CACNA1E: variants seen among roughly 807,000 people sequenced by gnomAD.
CACNA1E encodes calcium voltage-gated channel subunit alpha1 E.
CACNA1E carries 40 observed loss-of-function variants against 259.2 expected under a neutral mutation model. That is an observed-to-expected ratio of 0.15 (90% CI 0.12 to 0.20). The LOEUF (loss-of-function observed/expected upper bound fraction) is 0.20. Among genes scored for constraint, CACNA1E ranks in the 10% least tolerant of loss-of-function variants. CACNA1E has a pLI of 1.00. For synonymous variants in CACNA1E, 1,104 were observed against 1,138.5 expected (o/e 0.97, Z 0.61); for missense variants, 1,874 against 3,040.1 (o/e 0.62, Z 9.02).
rs1662186081 is a variant in CACNA1E at position 181,800,399 on chromosome 1, C to T, written c.*1565C>T. ...TCCTAATAGCCCAAACGCAGAAGCACTGAGCAAGAGAGCCCTTTCTTGCCA... is the reference window on the plus strand; with the variant it reads ...TCCTAATAGCCCAAACGCAGAAGCATTGAGCAAGAGAGCCCTTTCTTGCCA... On this transcript the variant is annotated 3_prime_UTR_variant, in exon 48 of 48. Coordinates refer to ENST00000367573, the MANE Select transcript of CACNA1E (RefSeq NM_001205293.3). 1 of 152,668 alleles carries T rather than the reference C, an allele frequency of 6.6e-6. No homozygotes were observed. The highest frequency in any genetic ancestry group is 2.1e-4 in the South Asian group (1 of 4,830). The allele number at this position is 152,668 out of a possible 1,614,324, so 9.5% of individuals were successfully genotyped here.
intron 25 of CACNA1E, among the ~76,000 whole-genome samples, chr1:181,741,389 G>A (rs1411638120): frequency 2.0e-5 from 3 of 152,202 alleles, no homozygotes; most frequent in Admixed American, 6.5e-5. Flanking sequence ...TGCTTAGGAC[G>A]GGGCCTGATG....
chr1:181,401,295 C>T (rs932667177), intron 1 of CACNA1E, among the ~76,000 whole-genome samples: 36 of 152,308 alleles, frequency 2.4e-4, no homozygotes, highest in African/African-American at 8.4e-4. Flanking sequence ...ACATGATGCA[C>T]AGTTCTTAGC....
chr1:181,795,157 A>C, intron 46 of CACNA1E, 113 bp downstream of exon 46: 2 of 864,124 alleles, frequency 2.3e-6, no homozygotes, highest in South Asian at 1.9e-5. Context: ...ACAAGGGCTG[A>C]AGAAAGTGAA....
chr1:181,716,814 A>G (rs901438446), intron 10 of CACNA1E, among the ~76,000 whole-genome samples: 3 of 152,252 alleles, frequency 2.0e-5, no homozygotes, highest in African/African-American at 7.2e-5. Flanking sequence ...AAGAAGCCCA[A>G]TCTGTTAAAA....
At chr1:181,596,216 T>C (rs1653141309) in intron 6 of CACNA1E, among the ~76,000 whole-genome samples, 1 of 152,172 alleles carries the variant, frequency 6.6e-6, no homozygotes, top group South Asian at 2.1e-4. Flanking sequence ...AGATCCCCTT[T>C]GCTGGGGGAT....
chr1:181,751,208 C>T (rs755060540), intron 26 of CACNA1E, among the ~76,000 whole-genome samples: 7 of 152,176 alleles, frequency 4.6e-5, no homozygotes, highest in Non-Finnish European at 8.8e-5. Flanking sequence ...GCAAATATCT[C>T]AGGGGATGAA....
intron 3 of CACNA1E, among the ~76,000 whole-genome samples, chr1:181,520,116 A>G (rs561711946): frequency 6.6e-6 from 1 of 152,234 alleles, no homozygotes; most frequent in Non-Finnish European, 1.5e-5. Context: ...TTCATATTCT[A>G]TATTGGCACT....
chr1:181,350,322 C>A (rs1652934777), intron 1 of CACNA1E, among the ~76,000 whole-genome samples: 1 of 152,228 alleles, frequency 6.6e-6, no homozygotes, highest in Non-Finnish European at 1.5e-5. Flanking sequence ...AGCCCTCCGT[C>A]ATCCAGAGCT....
chr1:181,609,113 G>A (rs923364708), intron 6 of CACNA1E, among the ~76,000 whole-genome samples: 2 of 152,172 alleles, frequency 1.3e-5, no homozygotes, highest in African/African-American at 4.8e-5. Context: ...GCTTTGCCCA[G>A]CAGGGCTACC....
At chr1:181,742,914 G>C (rs1656712261) in intron 25 of CACNA1E, among the ~76,000 whole-genome samples, 1 of 152,190 alleles carries the variant, frequency 6.6e-6, no homozygotes, top group Non-Finnish European at 1.5e-5. Flanking sequence ...AGGAGGAAGG[G>C]AAGGGGATTT....
chr1:181,611,426 A>G (rs148130397), intron 6 of CACNA1E, among the ~76,000 whole-genome samples: 287 of 151,308 alleles, frequency 1.9e-3, no homozygotes, highest in African/African-American at 6.6e-3. Context: ...CTCAGAAGCA[A>G]TTCATTCTGA....
intron 7 of CACNA1E, among the ~76,000 whole-genome samples, chr1:181,684,665 G>T (rs1231919871): frequency 1.3e-5 from 2 of 152,092 alleles, no homozygotes; most frequent in Non-Finnish European, 2.9e-5. Flanking sequence ...TATGGTGAAA[G>T]GAAGGGGTCC....
rs1026464516 is a variant in CACNA1E at position 181,758,260 on chromosome 1, A to G, written c.4494+149A>G. 1.2e-6 allele frequency: 1 copy of G among 801,664 alleles called. No individual in the cohort carries two copies. Among genetic ancestry groups the G allele is most frequent in the African/African-American group, 1.7e-5 (1 of 58,088 alleles). 49.7% of individuals were successfully genotyped at this position (801,664 alleles called of 1,614,324 possible). A position where few individuals can be genotyped will look rare whatever the true frequency, so the allele number is the denominator to read the frequency against. On this transcript the variant is annotated intron_variant, in intron 31 of 47. Transcript: ENST00000367573. The surrounding 1 kb of genome is among the most constrained non-coding windows in gnomAD (Gnocchi z 4.2). ...TTTTGTGATCTTATTTTGTTCAATA[A>G]CCCAACCTCTGGGGCTTTGGGGGTC... is the stretch of plus-strand genomic sequence containing the variant.
rs527924681 is a variant in CACNA1E at position 181,498,952 on chromosome 1, G to GA, written c.267-11519dup. On this transcript the variant is annotated intron_variant, in intron 1 of 47. Transcript: ENST00000367573. The stretch of plus-strand genomic sequence containing the variant: ...GACTAATAAGAAAGGACTTACGTAA[G>GA]AAAAAATAGGAATGGATAAGAGAAA... 6.9e-4 allele frequency among the ~76,000 whole-genome samples: 105 copies of GA among 152,200 alleles called. 1 individual carries two copies. The East Asian group carries it at 0.012, about 17-fold the overall frequency.
chr1:181,549,282 A>C (rs1026470115), intron 3 of CACNA1E, among the ~76,000 whole-genome samples: 1 of 152,210 alleles, frequency 6.6e-6, no homozygotes, highest in Non-Finnish European at 1.5e-5. Context: ...CAGGTTGTCA[A>C]AAGGGCTTTG....
intron 18 of CACNA1E, among the ~76,000 whole-genome samples, chr1:181,730,654 T>A (rs1655380295): frequency 1.3e-5 from 2 of 152,218 alleles, no homozygotes; most frequent in Admixed American, 6.5e-5. Context: ...ATGGACCACT[T>A]CGTAGCCTTG....
chr1:181,729,108 G>A (rs1245556892), intron 18 of CACNA1E, among the ~76,000 whole-genome samples: 4 of 103,028 alleles, frequency 3.9e-5, no homozygotes, highest in East Asian at 3.1e-4. Flanking sequence ...CATTTTGCTC[G>A]GGTGTGTGTG....
chr1:181,793,793 G>C lies in CACNA1E; in HGVS notation c.6027G>C (p.Gln2009His), dbSNP rs1661541546. The change falls in exon 45 of 48, where the codon CAG becomes CAC. Residue 2009 changes from glutamine (Q) to histidine (H), a missense_variant and splice_region_variant. Physicochemically the swap from Gln to His is conservative, Grantham distance 24. Around this residue, in one of 14 missense-constraint regions of CACNA1E, gnomAD observed 542 missense variants for 587.2 expected, o/e 0.92. Coordinates refer to ENST00000367573, the MANE Select transcript of CACNA1E (RefSeq NM_001205293.3). ...SSMPRLTVDPQVVTDPSSMRR... is the reference protein window; with the variant it reads ...SSMPRLTVDPHVVTDPSSMRR... ...TGCCACGTCTGACTGTGGATCCCCA[G>C]GTAAAAAGCAACCACCTACATTAAT... is the stretch of plus-strand genomic sequence containing the variant. The C allele has an allele frequency of 6.2e-7, 1 of 1,610,708 alleles. No individual in the cohort carries two copies. Among genetic ancestry groups the C allele is most frequent in the Non-Finnish European group, 8.5e-7 (1 of 1,179,140 alleles).
rs566167874 is a variant in CACNA1E at position 181,713,359 on chromosome 1, G to A, written c.1172-1979G>A. ...TTTAAATGATGCCCTCCAAACACGT[G>A]CTATAAAATGACTTAAAAACCCTTT... On this transcript the variant is annotated intron_variant, in intron 8 of 47. Transcript: ENST00000367573. Among the ~76,000 whole-genome samples the A allele has an allele frequency of 1.3e-3, 203 of 152,286 alleles. 1 individual carries two copies. Among genetic ancestry groups the A allele is most frequent in the Non-Finnish European group, 1.7e-3 (113 of 68,010 alleles).
Sources: allele counts gnomAD v4.1 joint callset (sites outside exome capture counted in the v4.1 genomes callset), GRCh38; gene constraint gnomAD v4.1.1; regional missense constraint gnomAD v4.1.1; non-coding constraint Gnocchi (gnomAD v3.1); transcripts MANE v1.5; gene names NCBI Gene and HGNC (gene_info 2026-07-23, HGNC 2026-07-21).